Variants in GLIS3 observed in about 807,000 individuals in gnomAD.
GLIS3 encodes zinc finger protein GLIS3.
In GLIS3, 53 loss-of-function variants were observed where a neutral mutation model predicts 78.6. The observed-to-expected ratio is 0.67, with a 90% CI of 0.54 to 0.85. The LOEUF (loss-of-function observed/expected upper bound fraction) is 0.85. Among genes scored for constraint, GLIS3 ranks in the 40% least tolerant of loss-of-function variants. GLIS3 has a pLI of 0.00. For synonymous variants in GLIS3, 684 were observed against 509.9 expected, an observed-to-expected ratio of 1.34 and a Z score of -4.60; for missense variants, 1,703 against 1,231.1, an observed-to-expected ratio of 1.38 and a Z score of -5.74.
intron 7 of GLIS3, among the ~76,000 whole-genome samples, chr9:3,883,684 A>G (rs1386436057): frequency 6.6e-6 from 1 of 152,216 alleles, no homozygotes; most frequent in Non-Finnish European, 1.5e-5. Flanking sequence ...CCACAGGAGC[A>G]GCCTTCATTG....
At chr9:4,094,939 T>C (rs1172224854) in intron 4 of GLIS3, among the ~76,000 whole-genome samples, 2 of 152,186 alleles carry the variant, frequency 1.3e-5, no homozygotes, top group Admixed American at 6.5e-5. Flanking sequence ...ATGGAGCACA[T>C]AGTGATGTTT....
the GLIS3 span, among the ~76,000 whole-genome samples, chr9:4,435,509 A>G: frequency 1.3e-3 from 195 of 152,262 alleles, 1 homozygote; most frequent in African/African-American, 4.5e-3. Context: ...AGATCATCAA[A>G]AGGCATCATT....
At chr9:3,903,808 G>C (rs886298961) in intron 6 of GLIS3, among the ~76,000 whole-genome samples, 8 of 152,174 alleles carry the variant, frequency 5.3e-5, no homozygotes, top group Non-Finnish European at 1.0e-4. Context: ...GTGATAGGGG[G>C]AATTTTGACC....
chr9:4,303,017 C>A (rs185595025), upstream of GLIS3, among the ~76,000 whole-genome samples: 1 of 152,158 alleles, frequency 6.6e-6, no homozygotes, highest in Non-Finnish European at 1.5e-5. Context: ...AGCTAGAGTA[C>A]AAAATAGGAA....
At chr9:3,989,749 A>C (rs1384949957) in intron 4 of GLIS3, among the ~76,000 whole-genome samples, 1 of 152,230 alleles carries the variant, frequency 6.6e-6, no homozygotes, top group Admixed American at 6.5e-5. Flanking sequence ...AAGTAGGTGG[A>C]TGTATTTATT....
intron 2 of GLIS3, among the ~76,000 whole-genome samples, chr9:4,200,279 G>A (rs1412615787): frequency 6.6e-6 from 1 of 151,800 alleles, no homozygotes; most frequent in Non-Finnish European, 1.5e-5. Context: ...TCCAGAGCTA[G>A]CAGAAGAAAA....
intron 7 of GLIS3, among the ~76,000 whole-genome samples, chr9:3,893,142 T>C (rs1822574932): frequency 6.6e-6 from 1 of 152,192 alleles, no homozygotes; most frequent in African/African-American, 2.4e-5. Flanking sequence ...AAATAACCAA[T>C]ACTTTTCCCA....
chr9:3,979,696 T>C (rs2130959867), intron 4 of GLIS3, among the ~76,000 whole-genome samples: 1 of 152,306 alleles, frequency 6.6e-6, no homozygotes, highest in East Asian at 1.9e-4. Flanking sequence ...CTGGTACCTG[T>C]TTTCCCCAAC....
At chr9:3,936,939 A>C in intron 5 of GLIS3, 89 bp downstream of exon 5, 3 of 1,567,416 alleles carry the variant, frequency 1.9e-6, no homozygotes, top group Non-Finnish European at 2.6e-6. Flanking sequence ...GCAGACCATA[A>C]AGCAAACACT....
intron 7 of GLIS3, among the ~76,000 whole-genome samples, chr9:3,896,654 A>C (rs1189537093): frequency 5.4e-5 from 4 of 74,658 alleles, no homozygotes; most frequent in Non-Finnish European, 8.4e-5. Flanking sequence ...TGACAGAGTG[A>C]GACTCCCATC....
At chr9:3,929,900 A>G (rs970778926) in intron 6 of GLIS3, among the ~76,000 whole-genome samples, 3 of 152,078 alleles carry the variant, frequency 2.0e-5, no homozygotes, top group African/African-American at 7.2e-5. Flanking sequence ...AATTGCTGCC[A>G]GGAAATATTT....
chr9:4,250,465 C>T (rs1435780081), intron 2 of GLIS3, among the ~76,000 whole-genome samples: 4 of 152,054 alleles, frequency 2.6e-5, no homozygotes, highest in Non-Finnish European at 5.9e-5. Flanking sequence ...GGTGATATCC[C>T]CTTTATCATT....
chr9:4,235,119 A>G (rs1239380385), intron 2 of GLIS3, among the ~76,000 whole-genome samples: 1 of 152,046 alleles, frequency 6.6e-6, no homozygotes, highest in Non-Finnish European at 1.5e-5. Context: ...TAACCCGGTG[A>G]AACTCTGTCT....
At chr9:3,986,057 A>G (rs1223608889) in intron 4 of GLIS3, among the ~76,000 whole-genome samples, 1 of 152,242 alleles carries the variant, frequency 6.6e-6, no homozygotes, top group Non-Finnish European at 1.5e-5. Flanking sequence ...AGAAAAAGGA[A>G]GTCTTCTTTA....
intron 4 of GLIS3, among the ~76,000 whole-genome samples, chr9:4,033,498 C>T (rs928416394): frequency 1.3e-5 from 2 of 152,098 alleles, no homozygotes; most frequent in Non-Finnish European, 2.9e-5. Context: ...GTGCAGACTC[C>T]CTATCCCATG....
chr9:4,196,055 A>C (rs1353479727), intron 2 of GLIS3, among the ~76,000 whole-genome samples: 1 of 151,860 alleles, frequency 6.6e-6, no homozygotes, highest in African/African-American at 2.4e-5. Flanking sequence ...TGTCTAGCTA[A>C]AGGATTGTGA....
intron 2 of GLIS3, among the ~76,000 whole-genome samples, chr9:4,281,601 A>C (rs1231706000): frequency 6.6e-6 from 1 of 152,204 alleles, no homozygotes; most frequent in East Asian, 1.9e-4. Context: ...ATGTTGTGGC[A>C]TGTGTCAGAA....
intron 2 of GLIS3, among the ~76,000 whole-genome samples, chr9:4,209,159 C>T (rs942034763): frequency 2.6e-5 from 4 of 152,114 alleles, no homozygotes; most frequent in Non-Finnish European, 5.9e-5. Flanking sequence ...ACTCTGGAGA[C>T]CCCCTGATCT....
At chr9:4,081,169 A>G (rs751274895) in intron 4 of GLIS3, 1 of 152,242 alleles carries the variant, frequency 6.6e-6, no homozygotes, top group Non-Finnish European at 1.5e-5. Flanking sequence ...ACTAAGGAAT[A>G]CTGTGCTAGA....
Sources: allele counts gnomAD v4.1 joint callset (sites outside exome capture counted in the v4.1 genomes callset), GRCh38; gene constraint gnomAD v4.1.1; transcripts MANE v1.5; gene names NCBI Gene and HGNC (gene_info 2026-07-23, HGNC 2026-07-21).